The following TNKS2 variants were observed in gnomAD, a reference collection of about 807,000 sequenced individuals.
TNKS2 encodes poly [ADP-ribose] polymerase tankyrase-2.
In TNKS2, 72 loss-of-function variants were observed where a neutral mutation model predicts 137.6. That is an observed-to-expected ratio of 0.52 (90% CI 0.43 to 0.64). The LOEUF is 0.64. Ranked by LOEUF, TNKS2 falls within the 30% of genes least tolerant of loss-of-function variation. The pLI, the probability that TNKS2 is intolerant of heterozygous loss-of-function variation, is 0.00. For missense variants in TNKS2, 1,049 were observed against 1,410.2 expected, an observed-to-expected ratio of 0.74 and a Z score of 4.10; for synonymous variants, 516 against 512.1, an observed-to-expected ratio of 1.01 and a Z score of -0.10.
At chr10:91,803,324 G>A (rs780549961) in intron 1 of TNKS2, among the ~76,000 whole-genome samples, 1 of 152,074 alleles carries the variant, frequency 6.6e-6, no homozygotes, top group African/African-American at 2.4e-5. Flanking sequence ...ACCAGCCTGG[G>A]CAACAATGGT....
chr10:91,844,239 T>A lies in TNKS2; in HGVS notation c.2060-680T>A, dbSNP rs577812506. 2.6e-5 allele frequency among the ~76,000 whole-genome samples: 4 copies of A among 152,358 alleles called. No individual in the cohort carries two copies. The South Asian group carries it at 8.3e-4, about 32-fold the overall frequency. ...CATACCTTGAGACCTAGAAAGACTT[T>A]TAGATTAATGTAATATTTTATGGTA... On this transcript the variant is annotated intron_variant, in intron 16 of 26. Coordinates refer to ENST00000371627, the MANE Select transcript of TNKS2 (RefSeq NM_025235.4).
chr10:91,819,986 A>C lies in TNKS2; in HGVS notation c.681A>C (p.Val227=). The change falls in exon 6 of 27, where the codon GTA becomes GTC. Residue 227 remains valine (V), a synonymous_variant. Coordinates refer to ENST00000371627, the MANE Select transcript of TNKS2 (RefSeq NM_025235.4). ...LAAGYNRVKI[V]QLLLQHGADV... The stretch of plus-strand genomic sequence containing the variant: ...CAGGATATAACAGAGTAAAGATTGT[A>C]CAGCTGTTACTGCAACATGGAGCTG... 6.3e-7 allele frequency: 1 copy of C among 1,593,740 alleles called. No homozygotes were observed. The highest frequency in any genetic ancestry group is 8.5e-7 in the Non-Finnish European group (1 of 1,170,414).
At chr10:91,851,930 A>G (rs1337154276) in intron 21 of TNKS2, among the ~76,000 whole-genome samples, 1 of 152,214 alleles carries the variant, frequency 6.6e-6, no homozygotes, top group Non-Finnish European at 1.5e-5. Flanking sequence ...AGGTCTGGGT[A>G]TAAAAAGGTG....
At position 91,836,934 on chromosome 10, in the gene TNKS2, G is replaced by A. The variant is rs751380894; in HGVS notation, c.1463G>A (p.Gly488Asp). The A allele has an allele frequency of 1.2e-6, 2 of 1,613,086 alleles. No homozygotes were observed. Among genetic ancestry groups the A allele is most frequent in the Non-Finnish European group, 1.7e-6 (2 of 1,179,536 alleles). ...TCTTTTTTAGAGGGTATCTCATTAGGTAATTCAGAGGCAGACAGACAATTG... is the reference window on the plus strand; with the variant it reads ...TCTTTTTTAGAGGGTATCTCATTAGATAATTCAGAGGCAGACAGACAATTG... ...QQLLQEGISL[G>D]NSEADRQLLE... is the part of the protein sequence containing the mutation. The change falls in exon 13 of 27, where the codon GGT (glycine) becomes GAT (aspartate). Residue 488 changes from glycine to aspartate, a missense_variant. Gly to Asp is a moderately conservative substitution (Grantham distance 94, BLOSUM62 -1). Transcript: ENST00000371627.
intron 7 of TNKS2, among the ~76,000 whole-genome samples, chr10:91,823,219 A>T (rs1050108562): frequency 1.3e-5 from 2 of 151,516 alleles, no homozygotes; most frequent in South Asian, 4.2e-4. Flanking sequence ...GAGCTGGCCG[A>T]TTTGGTAAGG....
At chr10:91,840,858 ATTTTATATGGTT>A in intron 14 of TNKS2, 152 bp downstream of exon 14, 1 of 753,844 alleles carries the variant, frequency 1.3e-6, no homozygotes, top group Non-Finnish European at 2.0e-6. Flanking sequence ...TTCAATTAAG[ATTTTATATGGTT>A]AGCATTCATA....
intron 25 of TNKS2, among the ~76,000 whole-genome samples, 173 bp downstream of exon 25, chr10:91,859,821 C>T (rs1345196084): frequency 2.6e-5 from 4 of 152,208 alleles, no homozygotes; most frequent in African/African-American, 9.6e-5. Context: ...TTAAATGATC[C>T]GTATGGGCCA....
chr10:91,806,380 CA>C (rs1272079556), intron 1 of TNKS2, among the ~76,000 whole-genome samples: 3 of 152,056 alleles, frequency 2.0e-5, no homozygotes, highest in African/African-American at 7.2e-5. Context: ...AAGGATTTGA[CA>C]GTTCAAACTA....
rs1304571423 is a variant in TNKS2 at position 91,855,190 on chromosome 10, G to T, written c.2913+64G>T. 1.4e-5 allele frequency: 14 copies of T among 1,031,916 alleles called. No individual in the cohort carries two copies. In the Admixed American group the frequency reaches 2.7e-4, roughly 20 times the overall value. The allele number at this position is 1,031,916 out of a possible 1,614,324, so 63.9% of individuals were successfully genotyped here. A position where few individuals can be genotyped will look rare whatever the true frequency, so the allele number is the denominator to read the frequency against. On this transcript the variant is annotated intron_variant, in intron 22 of 26. Transcript: ENST00000371627. ...TATTTAGTTCACTTTGTATCCTCTTGTTTCTTTTTCTTCCTTTAGTTTGCA... is the reference window on the plus strand; with the variant it reads ...TATTTAGTTCACTTTGTATCCTCTTTTTTCTTTTTCTTCCTTTAGTTTGCA...
intron 21 of TNKS2, among the ~76,000 whole-genome samples, chr10:91,853,585 A>T (rs751850325): frequency 6.6e-6 from 1 of 152,212 alleles, no homozygotes; most frequent in African/African-American, 2.4e-5. Context: ...CTATCATTCA[A>T]TGCATCAAGT....
In TNKS2 at chr10:91,798,661, C is replaced by G; in HGVS notation, c.-30C>G. On this transcript the variant is annotated 5_prime_UTR_variant, in exon 1 of 27. Coordinates refer to ENST00000371627, the MANE Select transcript of TNKS2 (RefSeq NM_025235.4). ...GGGGCTCCTGCTCCGGTTGCTGGCG[C>G]TGTTGCTGGCTGTGGCGGCGGCCAG... The G allele has an allele frequency of 8.2e-7, 1 of 1,220,026 alleles. No homozygotes were observed. The highest frequency in any genetic ancestry group is 1.0e-6 in the Non-Finnish European group (1 of 978,930). 75.6% of individuals were successfully genotyped at this position (1,220,026 alleles called of 1,614,324 possible).
In TNKS2 at chr10:91,819,307, G is replaced by A; in HGVS notation, c.557+1G>A. The stretch of plus-strand genomic sequence containing the variant: ...AAGATGAACTCTTAGAAAGTGCCAG[G>A]TACGTACTAATGTTATAAATATGTG... On this transcript the variant is annotated splice_donor_variant, in intron 4 of 26. Transcript: ENST00000371627. LOFTEE classifies it high-confidence loss of function. 1 of 1,469,094 alleles carries A rather than the reference G, an allele frequency of 6.8e-7. No homozygotes were observed. The highest frequency in any genetic ancestry group is 9.0e-7 in the Non-Finnish European group (1 of 1,106,752). 91.0% of individuals were successfully genotyped at this position (1,469,094 alleles called of 1,614,324 possible).
At chr10:91,828,236 C>T in intron 8 of TNKS2, 49 bp from the exon 9 acceptor site, 1 of 1,414,946 alleles carries the variant, frequency 7.1e-7, no homozygotes, top group Admixed American at 2.9e-5. Flanking sequence ...TTAGATAAGG[C>T]TTTTCAATTT....
At position 91,859,569 on chromosome 10, in the gene TNKS2, A is replaced by G; in HGVS notation, c.3202A>G (p.Ser1068Gly). 1 of 1,614,074 alleles carries G rather than the reference A, an allele frequency of 6.2e-7. No individual in the cohort carries two copies. Among genetic ancestry groups the G allele is most frequent in the South Asian group, 1.1e-5 (1 of 91,080 alleles). Residue 1068 changes from serine to glycine, a missense_variant, in exon 25 of 27, where the codon AGC becomes GGC. Transcript: ENST00000371627. ...GIYFAENSSK[S>G]NQYVYGIGGG... Reference sequence around the variant, plus strand: ...TTATTTTGCTGAAAACTCTTCCAAAAGCAATCAATATGTATATGGAATTGG... The same window carrying G: ...TTATTTTGCTGAAAACTCTTCCAAAGGCAATCAATATGTATATGGAATTGG...
intron 1 of TNKS2, among the ~76,000 whole-genome samples, chr10:91,801,445 G>A (rs535992463): frequency 6.6e-6 from 1 of 151,368 alleles, no homozygotes; most frequent in African/African-American, 2.4e-5. Flanking sequence ...CACTGCCCCC[G>A]ACCATACGCA....
intron 12 of TNKS2, 140 bp from the exon 13 acceptor site, chr10:91,836,779 C>G (rs1842034256): frequency 7.2e-6 from 10 of 1,391,460 alleles, no homozygotes; most frequent in Non-Finnish European, 7.5e-6. Context: ...ACCCTCACCC[C>G]CCTTACTACC....
rs1842531174 is a variant in TNKS2 at position 91,851,284 on chromosome 10, A to C, written c.2763A>C (p.Gly921=). 1.2e-6 allele frequency: 2 copies of C among 1,611,036 alleles called. No homozygotes were observed. The highest frequency in any genetic ancestry group is 1.7e-6 in the Non-Finnish European group (2 of 1,179,014). Residue 921 remains glycine, a synonymous_variant, in exon 21 of 27, where the codon GGA becomes GGC. Transcript: ENST00000371627. The part of the protein sequence containing the change: ...ELKEIGINAY[G]HRHKLIKGVE... ...AGGAGATTGGAATCAATGCTTATGG[A>C]CATAGGCACAAACTAATTAAAGGAG...
At chr10:91,853,980 T>C (rs1301264074) in intron 21 of TNKS2, among the ~76,000 whole-genome samples, 1 of 152,240 alleles carries the variant, frequency 6.6e-6, no homozygotes, top group African/African-American at 2.4e-5. Context: ...TAGAAAATTC[T>C]GTTTAAAATT....
intron 4 of TNKS2, 77 bp from the exon 5 acceptor site, chr10:91,819,405 T>C (rs548531058): frequency 9.1e-5 from 130 of 1,432,406 alleles, no homozygotes; most frequent in Admixed American, 2.6e-5. Context: ...AAGAATTTTT[T>C]TTTAATGGTT....
Sources: gnomAD v4.1 joint callset for allele counts (sites outside exome capture counted in the v4.1 genomes callset) on GRCh38, gnomAD v4.1.1 for gene constraint, MANE v1.5 for transcripts, NCBI Gene and HGNC (gene_info 2026-07-23, HGNC 2026-07-21) for gene names.